The following DLGAP1 variants were observed in gnomAD, a reference collection of about 807,000 sequenced individuals.
DLGAP1 encodes disks large-associated protein 1.
DLGAP1 carries 11 observed loss-of-function variants against 90.8 expected under a neutral mutation model. The ratio of observed to expected loss-of-function variants is 0.12; its 90% CI spans 0.08 to 0.20. The LOEUF is 0.20. Ranked by LOEUF, DLGAP1 falls within the 10% of genes least tolerant of loss-of-function variation. DLGAP1 has a pLI of 1.00. For missense variants in DLGAP1, 1,050 were observed against 1,333.8 expected (o/e 0.79, Z 3.31); for synonymous variants, 558 against 540.7 (o/e 1.03, Z -0.44).
chr18:4,054,529 G>T (rs1449506575), intron 2 of DLGAP1, among the ~76,000 whole-genome samples: 1 of 152,136 alleles, frequency 6.6e-6, no homozygotes, highest in Non-Finnish European at 1.5e-5. Flanking sequence ...AGACAACAGG[G>T]ATGTGCCATT....
intron 3 of DLGAP1, among the ~76,000 whole-genome samples, chr18:3,969,287 T>C (rs1187079331): frequency 6.6e-6 from 1 of 152,132 alleles, no homozygotes; most frequent in Non-Finnish European, 1.5e-5. Flanking sequence ...ACACCAATAA[T>C]TGTCATCTGA....
chr18:4,281,850 T>C (rs1226997738), intron 1 of DLGAP1, among the ~76,000 whole-genome samples: 6 of 152,162 alleles, frequency 3.9e-5, no homozygotes, highest in Admixed American at 6.5e-5. Context: ...TATAAATATT[T>C]ATACCTATAT....
At chr18:4,408,436 A>G (rs2082710180) in intron 1 of DLGAP1, among the ~76,000 whole-genome samples, 2 of 152,186 alleles carry the variant, frequency 1.3e-5, no homozygotes, top group Admixed American at 6.5e-5. Flanking sequence ...TATAAGCATA[A>G]GGCCAAACCA....
chr18:3,580,328 C>T, intron 8 of DLGAP1: 1 of 1,613,970 alleles, frequency 6.2e-7, no homozygotes, highest in Admixed American at 1.7e-5. Flanking sequence ...GTCCCTTTTT[C>T]AGTGCGCGAA....
At chr18:3,880,347 C>T (rs2071123779) in intron 3 of DLGAP1, among the ~76,000 whole-genome samples, 1 of 151,968 alleles carries the variant, frequency 6.6e-6, no homozygotes, top group African/African-American at 2.4e-5. Flanking sequence ...CCACGCTTGG[C>T]TAATTTTTTG....
chr18:4,061,235 T>C (rs760572020), intron 2 of DLGAP1, among the ~76,000 whole-genome samples: 34 of 152,166 alleles, frequency 2.2e-4, no homozygotes, highest in Admixed American at 1.3e-4. Context: ...GTAAGGAAAT[T>C]AGAATGTGCT....
At chr18:3,897,970 A>G (rs529704844) in intron 3 of DLGAP1, among the ~76,000 whole-genome samples, 2,022 of 150,996 alleles carry the variant, frequency 0.013, 25 homozygotes, top group South Asian at 0.05. Flanking sequence ...AATTTTTTGT[A>G]TTTTTAGTAG....
At chr18:4,445,443 C>T (rs1390075172) in intron 1 of DLGAP1, among the ~76,000 whole-genome samples, 3 of 114,628 alleles carry the variant, frequency 2.6e-5, no homozygotes, top group Middle Eastern at 5.5e-3. Context: ...GCTATCCCTC[C>T]CCCCTCCCCC....
At chr18:3,710,882 G>A (rs1243192326) in intron 7 of DLGAP1, among the ~76,000 whole-genome samples, 1 of 152,198 alleles carries the variant, frequency 6.6e-6, no homozygotes, top group Non-Finnish European at 1.5e-5. Flanking sequence ...GAACAAGCTC[G>A]CTGGGTTCCA....
At chr18:4,121,442 T>C (rs914777099) in intron 2 of DLGAP1, among the ~76,000 whole-genome samples, 2 of 152,004 alleles carry the variant, frequency 1.3e-5, no homozygotes, top group African/African-American at 4.8e-5. Flanking sequence ...CCCTGCTAAG[T>C]CACTTTGGCA....
chr18:4,110,451 T>C (rs552549700), intron 2 of DLGAP1, among the ~76,000 whole-genome samples: 3 of 152,350 alleles, frequency 2.0e-5, no homozygotes, highest in South Asian at 4.1e-4. Context: ...CATGGAATGG[T>C]AACTGACTAT....
At chr18:4,235,348 T>A (rs1208378672) in intron 1 of DLGAP1, among the ~76,000 whole-genome samples, 1 of 152,104 alleles carries the variant, frequency 6.6e-6, no homozygotes, top group Admixed American at 6.6e-5. Context: ...CTTGCTGCAC[T>A]CCCTCCCCTC....
At chr18:4,102,902 C>T (rs531222196) in intron 2 of DLGAP1, among the ~76,000 whole-genome samples, 38 of 152,246 alleles carry the variant, frequency 2.5e-4, no homozygotes, top group Non-Finnish European at 3.1e-4. Flanking sequence ...ATTACTCAGT[C>T]CCATGTTTCC....
intron 3 of DLGAP1, chr18:3,885,353 A>G (rs1279393494): frequency 2.0e-5 from 3 of 152,238 alleles, no homozygotes; most frequent in Non-Finnish European, 4.4e-5. Context: ...AAATGCCTAC[A>G]GTGAATCCCT....
At chr18:3,682,403 T>C (rs2060552357) in intron 7 of DLGAP1, among the ~76,000 whole-genome samples, 1 of 152,348 alleles carries the variant, frequency 6.6e-6, no homozygotes, top group Non-Finnish European at 1.5e-5. Context: ...AGTATTCCTT[T>C]ATAACAATGT....
chr18:4,131,099 T>C (rs901671038), intron 2 of DLGAP1, among the ~76,000 whole-genome samples: 4 of 152,116 alleles, frequency 2.6e-5, no homozygotes, highest in African/African-American at 4.8e-5. Flanking sequence ...TATGCAACTA[T>C]TTATATCCCA....
chr18:4,413,203 G>A (rs3850788), intron 1 of DLGAP1, among the ~76,000 whole-genome samples: 7,933 of 152,186 alleles, frequency 0.052, 358 homozygotes, highest in African/African-American at 0.12. Context: ...ATTGGTAGGA[G>A]AGAAAGGACA....
intron 10 of DLGAP1, among the ~76,000 whole-genome samples, chr18:3,522,578 T>C (rs2051283567): frequency 7.5e-6 from 1 of 133,862 alleles, no homozygotes; most frequent in Non-Finnish European, 1.5e-5. Context: ...GACCTCATTC[T>C]GTCGCCCAGG....
chr18:3,579,296 CGTCT>C (rs1303032715), intron 8 of DLGAP1, among the ~76,000 whole-genome samples: 1 of 152,204 alleles, frequency 6.6e-6, no homozygotes, highest in African/African-American at 2.4e-5. Flanking sequence ...CCGCAACCTC[CGTCT>C]ATCGGGTTCA....
Sources: allele counts gnomAD v4.1 joint callset (sites outside exome capture counted in the v4.1 genomes callset), GRCh38; gene constraint gnomAD v4.1.1; transcripts MANE v1.5; gene names NCBI Gene and HGNC (gene_info 2026-07-23, HGNC 2026-07-21).